TAOK3: variants seen among roughly 807,000 people sequenced by gnomAD.
TAOK3 encodes the protein TAO kinase 3.
A neutral mutation model predicts 120.4 loss-of-function variants in TAOK3; 40 were observed. That is an observed-to-expected ratio of 0.33 (90% confidence interval 0.26 to 0.43). The LOEUF is 0.43. Among genes scored for constraint, TAOK3 ranks in the 20% least tolerant of loss-of-function variants. The pLI, the probability that TAOK3 is intolerant of heterozygous loss-of-function variation, is 1.00. For synonymous variants in TAOK3, 355 were observed against 387.5 expected (o/e 0.92, Z 0.99); for missense variants, 821 against 1,112.1 (o/e 0.74, Z 3.72).
chr12:118,185,232 T>A (rs372245820), intron 14 of TAOK3, among the ~76,000 whole-genome samples: 1 of 152,210 alleles, frequency 6.6e-6, no homozygotes, highest in African/African-American at 2.4e-5. Flanking sequence ...TAATGTGCCA[T>A]GAAAAGGAAG....
At chr12:118,173,524 C>T (rs2036135532) in intron 16 of TAOK3, among the ~76,000 whole-genome samples, 2 of 152,156 alleles carry the variant, frequency 1.3e-5, no homozygotes, top group African/African-American at 4.8e-5. Flanking sequence ...GTAGCTTGGA[C>T]AAAGGAAGTA....
chr12:118,245,020 T>C, intron 3 of TAOK3, 55 bp from the exon 4 acceptor site: 1 of 1,179,352 alleles, frequency 8.5e-7, no homozygotes, highest in Non-Finnish European at 1.2e-6. Flanking sequence ...TTCAGCCAAT[T>C]TAACTTAAAT....
chr12:118,244,037 T>C (rs2040369249), intron 4 of TAOK3, among the ~76,000 whole-genome samples: 1 of 152,110 alleles, frequency 6.6e-6, no homozygotes. Context: ...ACCAAATACA[T>C]TACAAAAAAG....
chr12:118,307,125 G>A (rs143257934), intron 1 of TAOK3, among the ~76,000 whole-genome samples: 192 of 152,214 alleles, frequency 1.3e-3, no homozygotes, highest in Non-Finnish European at 2.3e-3. Context: ...ATTGCCTCAG[G>A]AATTGCTGAC....
chr12:118,259,070 C>T (rs1390009963), intron 2 of TAOK3, among the ~76,000 whole-genome samples: 1 of 152,104 alleles, frequency 6.6e-6, no homozygotes, highest in Non-Finnish European at 1.5e-5. Context: ...GAATAAATTA[C>T]AAGTGAATAT....
chr12:118,370,193 A>C (rs2045858661), intron 1 of TAOK3, among the ~76,000 whole-genome samples: 1 of 152,082 alleles, frequency 6.6e-6, no homozygotes, highest in African/African-American at 2.4e-5. Context: ...AATTTTCATA[A>C]CCACATCAAG....
chr12:118,247,130 T>C (rs1028640680), intron 3 of TAOK3, among the ~76,000 whole-genome samples: 3 of 152,172 alleles, frequency 2.0e-5, no homozygotes, highest in African/African-American at 2.4e-5. Context: ...AAGAGTAACA[T>C]GTGAAATGTG....
At chr12:118,223,871 C>G (rs2139684231) in intron 9 of TAOK3, among the ~76,000 whole-genome samples, 1 of 152,238 alleles carries the variant, frequency 6.6e-6, no homozygotes, top group South Asian at 2.1e-4. Context: ...AACTCCTGAC[C>G]TCAAGTGATC....
chr12:118,317,178 G>A (rs769345374), intron 1 of TAOK3, among the ~76,000 whole-genome samples: 1 of 147,478 alleles, frequency 6.8e-6, no homozygotes, highest in Non-Finnish European at 1.5e-5. Flanking sequence ...CAGGAGAATT[G>A]CTCGAAACTG....
chr12:118,244,264 T>TA (rs1214136527), intron 4 of TAOK3, among the ~76,000 whole-genome samples: 1 of 151,920 alleles, frequency 6.6e-6, no homozygotes, highest in Non-Finnish European at 1.5e-5. Flanking sequence ...GGTCTCACCA[T>TA]ATTGCCCAGG....
chr12:118,243,878 C>T (rs918021918), intron 4 of TAOK3, among the ~76,000 whole-genome samples: 1 of 152,098 alleles, frequency 6.6e-6, no homozygotes, highest in Non-Finnish European at 1.5e-5. Context: ...GAGGTTTCTC[C>T]GTGTTGGCCA....
At chr12:118,266,125 C>G (rs1210023932) in intron 2 of TAOK3, among the ~76,000 whole-genome samples, 1 of 151,956 alleles carries the variant, frequency 6.6e-6, no homozygotes, top group African/African-American at 2.4e-5. Flanking sequence ...AAATAATTCT[C>G]TATATTGTAA....
chr12:118,166,802 ATGTG>A (rs143091392), intron 17 of TAOK3, among the ~76,000 whole-genome samples: 1 of 141,444 alleles, frequency 7.1e-6, no homozygotes, highest in Non-Finnish European at 1.5e-5. Flanking sequence ...TACTCAATGT[ATGTG>A]TGTGTGTGTA....
At chr12:118,249,877 C>A (rs2040675214) in intron 3 of TAOK3, among the ~76,000 whole-genome samples, 1 of 151,998 alleles carries the variant, frequency 6.6e-6, no homozygotes, top group Non-Finnish European at 1.5e-5. Flanking sequence ...AAAAAGCTTT[C>A]TTTTTGCCCT....
At chr12:118,322,230 A>C (rs2043737442) in intron 1 of TAOK3, among the ~76,000 whole-genome samples, 1 of 149,880 alleles carries the variant, frequency 6.7e-6, no homozygotes, top group African/African-American at 2.5e-5. Flanking sequence ...CAGGACAACT[A>C]CTTGAACCTG....
rs113236225 is a variant in TAOK3, at chr12:118,338,484, G to T, written c.-194+34164C>A. Among the ~76,000 whole-genome samples the T allele has an allele frequency of 8.7e-3, 1,326 of 152,220 alleles. 20 individuals are homozygous for T. Among genetic ancestry groups the T allele is most frequent in the African/African-American group, 0.031 (1,282 of 41,542 alleles). Reference sequence around the variant, plus strand: ...ATGGTTACAATACAGTACAAAAGGTGTTTATGAAAACAGAGGAAGTGGGCT... The same window carrying T: ...ATGGTTACAATACAGTACAAAAGGTTTTTATGAAAACAGAGGAAGTGGGCT... On this transcript the variant is annotated intron_variant, in intron 1 of 20. Coordinates refer to ENST00000392533, the MANE Select transcript of TAOK3 (RefSeq NM_016281.4).
intron 3 of TAOK3, among the ~76,000 whole-genome samples, chr12:118,247,425 C>A (rs1314769492): frequency 6.6e-6 from 1 of 151,892 alleles, no homozygotes; most frequent in East Asian, 1.9e-4. Context: ...CATATGAAAA[C>A]CATTAATAAT....
At chr12:118,338,986 G>A (rs947137618) in intron 1 of TAOK3, among the ~76,000 whole-genome samples, 1 of 151,730 alleles carries the variant, frequency 6.6e-6, no homozygotes, top group Non-Finnish European at 1.5e-5. Context: ...AAAGCATTGC[G>A]TACCCTGGGA....
At chr12:118,154,010 T>G (rs1322009435) in intron 19 of TAOK3, among the ~76,000 whole-genome samples, 1 of 152,160 alleles carries the variant, frequency 6.6e-6, no homozygotes, top group Non-Finnish European at 1.5e-5. Context: ...CAGTAAGGAA[T>G]GAAGGGATAA....
Sources: gnomAD v4.1 joint callset for allele counts (sites outside exome capture counted in the v4.1 genomes callset) on GRCh38, gnomAD v4.1.1 for gene constraint, MANE v1.5 for transcripts, NCBI Gene and HGNC (gene_info 2026-07-23, HGNC 2026-07-21) for gene names.